Variants in KIF13A observed in about 807,000 individuals in gnomAD.
KIF13A encodes kinesin family member 13A, also known as kinesin-like protein KIF13A.
Under a neutral mutation model 212.2 loss-of-function variants are expected in KIF13A, and 79 were observed. The ratio of observed to expected loss-of-function variants is 0.37; its 90% CI spans 0.31 to 0.45. The LOEUF (loss-of-function observed/expected upper bound fraction) is 0.45. KIF13A is among the 20% of genes least tolerant of loss of function. The pLI is 1.00. For missense variants in KIF13A, 1,901 were observed against 2,209.0 expected (o/e 0.86, Z 2.79); for synonymous variants, 789 against 808.6 (o/e 0.98, Z 0.41).
chr6:17,912,393 G>A lies in KIF13A; in HGVS notation c.147-14213C>T, dbSNP rs1774153767. Among the ~76,000 whole-genome samples the A allele has an allele frequency of 6.6e-6, 1 of 152,196 alleles. No homozygotes were observed. The highest frequency in any genetic ancestry group is 1.9e-4 in the East Asian group (1 of 5,200). On this transcript the variant is annotated intron_variant, in intron 2 of 38. Coordinates refer to ENST00000259711, the MANE Select transcript of KIF13A (RefSeq NM_022113.6). This position sits in a 1 kb window ranked among gnomAD's most constrained non-coding sequence, Gnocchi z 4.2. Reference sequence around the variant, plus strand: ...CAGTTCTATCACCCAAACTGGGAGTGATCTTGATAACAGCATCAGCCTGCC... The same window carrying A: ...CAGTTCTATCACCCAAACTGGGAGTAATCTTGATAACAGCATCAGCCTGCC...
intron 19 of KIF13A, among the ~76,000 whole-genome samples, chr6:17,805,035 T>C (rs1762822156): frequency 6.6e-6 from 1 of 152,054 alleles, no homozygotes; most frequent in Admixed American, 6.6e-5. Context: ...AAATGGATTA[T>C]GCAAGCTTAA....
intron 3 of KIF13A, among the ~76,000 whole-genome samples, chr6:17,875,771 A>G (rs1373579023): frequency 6.6e-6 from 1 of 151,976 alleles, no homozygotes; most frequent in African/African-American, 2.4e-5. Context: ...GCTGTTTTTC[A>G]TGCCCATTAC....
chr6:17,808,603 G>T (rs892713936), intron 18 of KIF13A, among the ~76,000 whole-genome samples, 165 bp downstream of exon 18: 1 of 152,076 alleles, frequency 6.6e-6, no homozygotes, highest in African/African-American at 2.4e-5. Context: ...CATTTAAATA[G>T]CATTCTTATC....
chr6:17,759,529 C>T (rs1758495053), downstream of KIF13A: 1 of 152,162 alleles, frequency 6.6e-6, no homozygotes, highest in Admixed American at 6.5e-5. Context: ...CTTGCTCTCA[C>T]AACACATTTA....
At chr6:17,935,747 TAAC>T (rs1776402353) in intron 2 of KIF13A, among the ~76,000 whole-genome samples, 1 of 152,222 alleles carries the variant, frequency 6.6e-6, no homozygotes, top group Non-Finnish European at 1.5e-5. Context: ...TACAAGTATA[TAAC>T]AAAAAGCTAG....
Position 17,828,476 on chromosome 6 carries a change from T to A in KIF13A, c.1402-106A>T. The A allele has an allele frequency of 2.3e-6, 2 of 874,588 alleles. No individual in the cohort carries two copies. Among genetic ancestry groups the A allele is most frequent in the Non-Finnish European group, 3.4e-6 (2 of 590,290 alleles). 54.2% of individuals were successfully genotyped at this position (874,588 alleles called of 1,614,324 possible). A position where few individuals can be genotyped will look rare whatever the true frequency, so the allele number is the denominator to read the frequency against. ...CGCAGCAGCATATGCACAAAAATATTAAACGAATCCTGCCAGAGATGTTAA... is the reference window on the plus strand; with the variant it reads ...CGCAGCAGCATATGCACAAAAATATAAAACGAATCCTGCCAGAGATGTTAA... On this transcript the variant is annotated intron_variant, in intron 13 of 38. Coordinates refer to ENST00000259711, the MANE Select transcript of KIF13A (RefSeq NM_022113.6). This position sits in a 1 kb window ranked among gnomAD's most constrained non-coding sequence, Gnocchi z 4.3.
intron 2 of KIF13A, among the ~76,000 whole-genome samples, chr6:17,937,617 T>C (rs1292365858): frequency 6.6e-6 from 1 of 152,240 alleles, no homozygotes; most frequent in Non-Finnish European, 1.5e-5. Flanking sequence ...TATAGTTTTA[T>C]AGATGGGAAT....
At position 17,855,660 on chromosome 6, in the gene KIF13A, G is replaced by GCAAA; in HGVS notation, c.314-47_314-44dup. ...AAAAGAAGAACAGGTAGAGGAGGGA[G>GCAAA]CAAAATGCAATGCTTCAACCATACA... On this transcript the variant is annotated intron_variant, in intron 5 of 38. Transcript: ENST00000259711. The surrounding 1 kb of genome is among the most constrained non-coding windows in gnomAD (Gnocchi z 4.1). 6.8e-7 allele frequency: 1 copy of GCAAA among 1,472,294 alleles called. No individual in the cohort carries two copies. 91.2% of individuals were successfully genotyped at this position (1,472,294 alleles called of 1,614,324 possible). A position where few individuals can be genotyped will look rare whatever the true frequency, so the allele number is the denominator to read the frequency against.
Position 17,872,424 on chromosome 6 carries a change from T to C in KIF13A, c.220+953A>G, listed in dbSNP as rs1018124111. Among the ~76,000 whole-genome samples the C allele has an allele frequency of 6.6e-6, 1 of 152,162 alleles. No individual in the cohort carries two copies. The highest frequency in any genetic ancestry group is 1.5e-5 in the Non-Finnish European group (1 of 68,036). Reference sequence around the variant, plus strand: ...GGAAGAAATAGTTCACGAGCTCTATTGTACAACACGGTGACTATAGTTAAT... The same window carrying C: ...GGAAGAAATAGTTCACGAGCTCTATCGTACAACACGGTGACTATAGTTAAT... On this transcript the variant is annotated intron_variant, in intron 4 of 38. Coordinates refer to ENST00000259711, the MANE Select transcript of KIF13A (RefSeq NM_022113.6). The surrounding 1 kb of genome is among the most constrained non-coding windows in gnomAD (Gnocchi z 4.7).
At chr6:17,929,059 CAAAAAAAAAAAAA>C (rs375511285) in intron 2 of KIF13A, among the ~76,000 whole-genome samples, 1,012 of 36,704 alleles carry the variant, frequency 0.028, 23 homozygotes, top group African/African-American at 0.072. Context: ...AAGAATTTCT[CAAAAAAAAAAAAA>C]AAAAAAAAAA....
intron 38 of KIF13A, chr6:17,770,741 CT>C: frequency 1.1e-6 from 1 of 944,174 alleles, no homozygotes; most frequent in Non-Finnish European, 1.3e-6. Context: ...TGCATGATTA[CT>C]TACTCCAAGT....
chr6:17,885,841 C>T (rs1446678905), intron 3 of KIF13A, among the ~76,000 whole-genome samples: 2 of 152,092 alleles, frequency 1.3e-5, no homozygotes, highest in Non-Finnish European at 2.9e-5. Flanking sequence ...ATATTTAATC[C>T]TCTATCATTC....
At chr6:17,920,245 T>C (rs2150519287) in intron 2 of KIF13A, among the ~76,000 whole-genome samples, 1 of 152,036 alleles carries the variant, frequency 6.6e-6, no homozygotes, top group Admixed American at 6.5e-5. Context: ...ATGAAACATG[T>C]CTAAAAAAAA....
Position 17,894,657 on chromosome 6 carries a change from T to G in KIF13A, c.159+3511A>C, listed in dbSNP as rs113325334. 6.9e-3 allele frequency among the ~76,000 whole-genome samples: 1,056 copies of G among 152,304 alleles called. 15 individuals are homozygous for G. The highest frequency in any genetic ancestry group is 0.024 in the African/African-American group (993 of 41,550). On this transcript the variant is annotated intron_variant, in intron 3 of 38. Transcript: ENST00000259711. ...AGTGTGGTACATTTGTTATAACTGATGAACCAATATTGATACATTATTCAT... is the reference window on the plus strand; with the variant it reads ...AGTGTGGTACATTTGTTATAACTGAGGAACCAATATTGATACATTATTCAT...
intron 6 of KIF13A, among the ~76,000 whole-genome samples, chr6:17,853,351 G>T (rs2150402908): frequency 6.6e-6 from 1 of 152,262 alleles, no homozygotes; most frequent in East Asian, 1.9e-4. Flanking sequence ...TATACCAAGT[G>T]CCTGTGATGG....
chr6:17,780,171 A>C (rs1204646595), intron 31 of KIF13A, among the ~76,000 whole-genome samples: 2 of 152,246 alleles, frequency 1.3e-5, no homozygotes, highest in Non-Finnish European at 2.9e-5. Flanking sequence ...AGGGATACTA[A>C]CGTCCAGCTG....
rs1236392700 is a variant in KIF13A, at chr6:17,961,976, G to T, written c.146+25078C>A. Among the ~76,000 whole-genome samples the T allele has an allele frequency of 6.6e-6, 1 of 152,160 alleles. No individual in the cohort carries two copies. The highest frequency in any genetic ancestry group is 1.5e-5 in the Non-Finnish European group (1 of 68,040). On this transcript the variant is annotated intron_variant, in intron 2 of 38. Transcript: ENST00000259711. The surrounding 1 kb of genome is among the most constrained non-coding windows in gnomAD (Gnocchi z 4.1). The stretch of plus-strand genomic sequence containing the variant: ...TTCAACGGGCAATGGTTTTTCTTTT[G>T]TGTGGCACCTACATACCAATGTGTC...
intron 2 of KIF13A, among the ~76,000 whole-genome samples, chr6:17,949,738 T>G (rs1777701979): frequency 6.6e-6 from 1 of 152,072 alleles, no homozygotes; most frequent in African/African-American, 2.4e-5. Context: ...TGCCTTCAGT[T>G]TAAATGTCCT....
At position 17,926,144 on chromosome 6, in the gene KIF13A, C is replaced by T. The variant is rs1337133505; in HGVS notation, c.147-27964G>A. Among the ~76,000 whole-genome samples, 1 of 152,156 alleles carries T rather than the reference C, an allele frequency of 6.6e-6. No individual in the cohort carries two copies. The highest frequency in any genetic ancestry group is 1.5e-5 in the Non-Finnish European group (1 of 68,024). ...GTCCTACTAATTCTGAAAAGAAATG[C>T]ATTGCTTATCTTGTATTAATATATA... On this transcript the variant is annotated intron_variant, in intron 2 of 38. Transcript: ENST00000259711. This position sits in a 1 kb window ranked among gnomAD's most constrained non-coding sequence, Gnocchi z 4.3.
Sources: gnomAD v4.1 joint callset for allele counts (sites outside exome capture counted in the v4.1 genomes callset) on GRCh38, gnomAD v4.1.1 for gene constraint, Gnocchi (gnomAD v3.1) non-coding constraint, MANE v1.5 for transcripts, NCBI Gene and HGNC (gene_info 2026-07-23, HGNC 2026-07-21) for gene names.